Variants in GABBR2 observed in about 807,000 individuals in gnomAD.
The protein encoded by GABBR2 is gamma-aminobutyric acid type B receptor subunit 2, also known as G-protein coupled receptor 51.
In GABBR2, 23 loss-of-function variants were observed where a neutral mutation model predicts 105.6. The ratio of observed to expected loss-of-function variants is 0.22; its 90% CI spans 0.16 to 0.31. The LOEUF is 0.31. GABBR2 is among the 10% of genes least tolerant of loss of function. The pLI is 1.00. For missense variants in GABBR2, 734 were observed against 1,245.5 expected (o/e 0.59, Z 6.18); for synonymous variants, 478 against 499.7 (o/e 0.96, Z 0.58).
chr9:98,469,783 C>T (rs1370741648), intron 6 of GABBR2, among the ~76,000 whole-genome samples: 1 of 152,178 alleles, frequency 6.6e-6, no homozygotes, highest in African/African-American at 2.4e-5. Context: ...CTTAGGTTTT[C>T]CATTTGTACA....
At chr9:98,579,832 A>C (rs1056658363) in intron 1 of GABBR2, among the ~76,000 whole-genome samples, 4 of 152,196 alleles carry the variant, frequency 2.6e-5, no homozygotes, top group Admixed American at 1.3e-4. Flanking sequence ...GGATAGAAAG[A>C]AAATCACTGA....
chr9:98,708,467 C>G lies in GABBR2; in HGVS notation c.271G>C (p.Glu91Gln). The G allele has an allele frequency of 6.3e-7, 1 of 1,578,312 alleles. No individual in the cohort carries two copies. The highest frequency in any genetic ancestry group is 8.6e-7 in the Non-Finnish European group (1 of 1,160,762). The change falls in exon 1 of 19, where the codon GAG becomes CAG. Residue 91 changes from glutamate (E) to glutamine (Q), a missense_variant. Transcript: ENST00000259455. ...VELAIEQIRN[E>Q]SLLRPYFLDL... Reference sequence around the variant, plus strand: ...AGGAAGTAGGGGCGCAGGAGTGACTCGTTGCGGATCTGCTCGATGGCCAGT... The same window carrying G: ...AGGAAGTAGGGGCGCAGGAGTGACTGGTTGCGGATCTGCTCGATGGCCAGT...
chr9:98,528,337 C>A (rs1828000560), intron 3 of GABBR2, among the ~76,000 whole-genome samples: 1 of 151,522 alleles, frequency 6.6e-6, no homozygotes, highest in Non-Finnish European at 1.5e-5. Flanking sequence ...TACTGAAATT[C>A]CAGATAAAGT....
At chr9:98,585,126 G>T (rs1344619261) in intron 1 of GABBR2, among the ~76,000 whole-genome samples, 1 of 152,074 alleles carries the variant, frequency 6.6e-6, no homozygotes, top group Non-Finnish European at 1.5e-5. Context: ...TGGGCATGTA[G>T]CACCTAGAAT....
At chr9:98,445,618 CCTGTT>C (rs1350775345) in intron 7 of GABBR2, among the ~76,000 whole-genome samples, 1 of 152,186 alleles carries the variant, frequency 6.6e-6, no homozygotes, top group African/African-American at 2.4e-5. Context: ...TGAGCCTCAG[CCTGTT>C]CTGGTTGGAA....
At chr9:98,554,552 T>C (rs966972275) in intron 2 of GABBR2, among the ~76,000 whole-genome samples, 1 of 152,102 alleles carries the variant, frequency 6.6e-6, no homozygotes, top group East Asian at 1.9e-4. Flanking sequence ...ACTTCTATTA[T>C]CAAATAGAAA....
chr9:98,531,088 A>G (rs892995243), intron 3 of GABBR2, among the ~76,000 whole-genome samples: 7 of 152,246 alleles, frequency 4.6e-5, no homozygotes, highest in Admixed American at 2.0e-4. Flanking sequence ...TGAAGAAGGC[A>G]CACTCAGTCA....
At chr9:98,370,843 C>T (rs369522559) in intron 12 of GABBR2, among the ~76,000 whole-genome samples, 2 of 152,122 alleles carry the variant, frequency 1.3e-5, no homozygotes, top group Non-Finnish European at 2.9e-5. Context: ...CCAAACCGCA[C>T]GGGTGGCGAA....
intron 12 of GABBR2, among the ~76,000 whole-genome samples, chr9:98,369,623 C>T (rs1029110136): frequency 3.3e-5 from 5 of 152,166 alleles, no homozygotes; most frequent in South Asian, 2.1e-4. Flanking sequence ...CCTCACTGCT[C>T]GGGCTGGGTT....
At chr9:98,477,398 C>G (rs1022743963) in intron 5 of GABBR2, among the ~76,000 whole-genome samples, 1 of 152,168 alleles carries the variant, frequency 6.6e-6, no homozygotes, top group Non-Finnish European at 1.5e-5. Flanking sequence ...TGATACCACG[C>G]CCAGCTAATT....
intron 2 of GABBR2, chr9:98,555,878 T>G (rs565913895): frequency 6.6e-6 from 1 of 152,414 alleles, no homozygotes; most frequent in African/African-American, 2.4e-5. Flanking sequence ...CCCTCAGTTC[T>G]CCCAGCACTG....
At chr9:98,511,325 C>T (rs1827638050) in intron 3 of GABBR2, among the ~76,000 whole-genome samples, 1 of 150,458 alleles carries the variant, frequency 6.6e-6, no homozygotes, top group Non-Finnish European at 1.5e-5. Context: ...AATTGACACC[C>T]TAACATCACA....
intron 1 of GABBR2, among the ~76,000 whole-genome samples, 180 bp from the exon 2 acceptor site, chr9:98,578,252 C>T (rs1828948846): frequency 6.6e-6 from 1 of 152,148 alleles, no homozygotes; most frequent in African/African-American, 2.4e-5. Context: ...GTGGTCTTGG[C>T]ACCCACTATC....
chr9:98,503,101 A>C (rs1268701892), intron 3 of GABBR2, among the ~76,000 whole-genome samples: 1 of 152,194 alleles, frequency 6.6e-6, no homozygotes, highest in African/African-American at 2.4e-5. Context: ...TGAGACAAGG[A>C]CGCTCAAGTT....
At chr9:98,699,611 G>T (rs1027355336) in intron 1 of GABBR2, among the ~76,000 whole-genome samples, 2 of 152,156 alleles carry the variant, frequency 1.3e-5, no homozygotes, top group African/African-American at 4.8e-5. Flanking sequence ...GACCACAGAG[G>T]AGCCAGACAC....
chr9:98,516,342 T>C (rs1827756695), intron 3 of GABBR2: 1 of 152,094 alleles, frequency 6.6e-6, no homozygotes, highest in Admixed American at 6.5e-5. Flanking sequence ...TCAGGCCCAC[T>C]CCTCATGTCT....
chr9:98,341,363 C>A (rs145508383), intron 13 of GABBR2, among the ~76,000 whole-genome samples: 31 of 152,350 alleles, frequency 2.0e-4, no homozygotes, highest in African/African-American at 7.2e-4. Context: ...GCATATCATT[C>A]CAATTAAATC....
intron 13 of GABBR2, 158 bp downstream of exon 13, chr9:98,362,557 G>T: frequency 2.3e-6 from 1 of 436,244 alleles, no homozygotes; most frequent in Non-Finnish European, 3.9e-6. Flanking sequence ...CCTTATATTT[G>T]GCCTCCCTGG....
At chr9:98,526,369 C>T (rs148081611) in intron 3 of GABBR2, among the ~76,000 whole-genome samples, 172 of 152,264 alleles carry the variant, frequency 1.1e-3, no homozygotes, top group Non-Finnish European at 2.0e-3. Context: ...GTCCCTCCCA[C>T]CTCAGGACCT....
Sources: gnomAD v4.1 joint callset for allele counts (sites outside exome capture counted in the v4.1 genomes callset) on GRCh38, gnomAD v4.1.1 for gene constraint, MANE v1.5 for transcripts, NCBI Gene and HGNC (gene_info 2026-07-23, HGNC 2026-07-21) for gene names.